FOXN3: variants seen among roughly 807,000 people sequenced by gnomAD.
FOXN3 encodes forkhead box N3.
In FOXN3, 7 loss-of-function variants were observed where a neutral mutation model predicts 38.4. That is an observed-to-expected ratio of 0.18 (90% CI 0.10 to 0.34). The LOEUF is 0.34. Among genes scored for constraint, FOXN3 ranks in the 10% least tolerant of loss-of-function variants. The pLI is 1.00. For synonymous variants in FOXN3, 230 were observed against 242.2 expected, an observed-to-expected ratio of 0.95 and a Z score of 0.47; for missense variants, 456 against 613.4, an observed-to-expected ratio of 0.74 and a Z score of 2.71.
intron 3 of FOXN3, among the ~76,000 whole-genome samples, chr14:89,298,850 C>A (rs969801052): frequency 6.6e-6 from 1 of 152,218 alleles, no homozygotes; most frequent in Non-Finnish European, 1.5e-5. Flanking sequence ...TTGGTTACTA[C>A]ACCAAGAATA....
At chr14:89,236,647 A>G (rs1180251680) in intron 4 of FOXN3, among the ~76,000 whole-genome samples, 1 of 152,210 alleles carries the variant, frequency 6.6e-6, no homozygotes, top group Non-Finnish European at 1.5e-5. Flanking sequence ...GTTTCTGCTC[A>G]TTTGTTCCCA....
At chr14:89,216,746 T>C (rs759123179) in intron 4 of FOXN3, among the ~76,000 whole-genome samples, 1 of 152,166 alleles carries the variant, frequency 6.6e-6, no homozygotes, top group Admixed American at 6.5e-5. Flanking sequence ...ATGCCACCCA[T>C]CTAGAATCAC....
intron 1 of FOXN3, among the ~76,000 whole-genome samples, chr14:89,542,460 G>A (rs435319): frequency 0.78 from 119,018 of 152,180 alleles, 46,804 homozygotes; most frequent in Middle Eastern, 0.84. Context: ...TGGTTCGAAC[G>A]CCTCTGACAG....
chr14:89,561,143 C>T (rs557774256), intron 1 of FOXN3, among the ~76,000 whole-genome samples: 4 of 152,322 alleles, frequency 2.6e-5, no homozygotes, highest in Non-Finnish European at 4.4e-5. Flanking sequence ...GGGTGGCCTC[C>T]GTGATAAAAG....
chr14:89,254,764 T>A (rs530566791), intron 4 of FOXN3, among the ~76,000 whole-genome samples: 3 of 151,984 alleles, frequency 2.0e-5, no homozygotes, highest in African/African-American at 7.2e-5. Flanking sequence ...GTCTCCTCCA[T>A]GAGGCCTTCC....
chr14:89,171,307 C>A (rs1256147630), intron 5 of FOXN3, among the ~76,000 whole-genome samples: 1 of 152,154 alleles, frequency 6.6e-6, no homozygotes, highest in Non-Finnish European at 1.5e-5. Context: ...AATCATCCCA[C>A]AAGGAAAACA....
intron 1 of FOXN3, among the ~76,000 whole-genome samples, chr14:89,513,632 T>A (rs909160654): frequency 3.2e-4 from 49 of 152,160 alleles, no homozygotes; most frequent in African/African-American, 1.2e-3. Context: ...TTCACTCTTG[T>A]TGCCCAGGCT....
At chr14:89,325,164 A>T (rs1888013572) in intron 3 of FOXN3, among the ~76,000 whole-genome samples, 1 of 151,950 alleles carries the variant, frequency 6.6e-6, no homozygotes, top group South Asian at 2.1e-4. Context: ...AGTTCTGCTG[A>T]GCTATGCTAT....
chr14:89,377,682 A>G (rs577704392), intron 2 of FOXN3, among the ~76,000 whole-genome samples: 27 of 152,380 alleles, frequency 1.8e-4, no homozygotes, highest in African/African-American at 6.0e-4. Context: ...GACCATCTGT[A>G]AAACCTTATT....
chr14:89,285,524 A>G (rs201117783), intron 3 of FOXN3, among the ~76,000 whole-genome samples: 1 of 31,430 alleles, frequency 3.2e-5, no homozygotes, highest in Admixed American at 3.1e-4. Flanking sequence ...GTCTCAAAAC[A>G]AAAAAAAAAA....
intron 1 of FOXN3, among the ~76,000 whole-genome samples, chr14:89,582,377 C>T (rs1037795042): frequency 1.3e-5 from 2 of 151,914 alleles, no homozygotes; most frequent in African/African-American, 4.8e-5. Context: ...ATAATCAGCA[C>T]GCAATAAATA....
At position 89,266,792 on chromosome 14, in the gene FOXN3, C is replaced by T. The variant is rs539462450; in HGVS notation, c.745+14158G>A. ...CTGTTGCTGCCTCTCTTAAATCTAC[C>T]CTCCTGACCGGCTCAATATGGTCAA... On this transcript the variant is annotated intron_variant, in intron 4 of 5. Transcript: ENST00000557258. Among the ~76,000 whole-genome samples, 7 of 152,222 alleles carry T rather than the reference C, an allele frequency of 4.6e-5. 1 individual carries two copies. The South Asian group carries it at 1.5e-3, about 32-fold the overall frequency.
intron 5 of FOXN3, among the ~76,000 whole-genome samples, chr14:89,167,415 T>C (rs1296924021): frequency 6.6e-6 from 1 of 152,256 alleles, no homozygotes; most frequent in African/African-American, 2.4e-5. Flanking sequence ...ATGGCTCTAA[T>C]TCTAAAGGAT....
chr14:89,370,167 G>GC (rs1890274406), intron 2 of FOXN3, among the ~76,000 whole-genome samples: 2 of 152,242 alleles, frequency 1.3e-5, no homozygotes, highest in South Asian at 4.1e-4. Context: ...TGTGCTGCTG[G>GC]CATGTGACCA....
chr14:89,549,349 AAT>A (rs1894953100), intron 1 of FOXN3, among the ~76,000 whole-genome samples: 3 of 152,152 alleles, frequency 2.0e-5, no homozygotes, highest in Admixed American at 2.0e-4. Flanking sequence ...GTTAAAAGCT[AAT>A]TCAGGCAACA....
chr14:89,373,634 G>T (rs1327703734), intron 2 of FOXN3, among the ~76,000 whole-genome samples: 1 of 152,108 alleles, frequency 6.6e-6, no homozygotes, highest in Non-Finnish European at 1.5e-5. Flanking sequence ...TGAAGTTAGG[G>T]GCTGTCTCTG....
Position 89,214,025 on chromosome 14 carries a change from CA to C in FOXN3, c.746-33220del, listed in dbSNP as rs547531101. Among the ~76,000 whole-genome samples the C allele has an allele frequency of 3.8e-3, 580 of 151,938 alleles. 3 individuals are homozygous for C. Among genetic ancestry groups the C allele is most frequent in the African/African-American group, 0.013 (528 of 41,466 alleles). Reference sequence around the variant, plus strand: ...TAAGTCTCTTGGGGCAATATGCAAACAAAAAAAAGTGGCAAAATGTTCTGGA... The same window carrying C: ...TAAGTCTCTTGGGGCAATATGCAAACAAAAAAAGTGGCAAAATGTTCTGGA... On this transcript the variant is annotated intron_variant, in intron 4 of 5. Transcript: ENST00000557258.
At chr14:89,363,688 A>C (rs564315291) in intron 2 of FOXN3, among the ~76,000 whole-genome samples, 1 of 152,320 alleles carries the variant, frequency 6.6e-6, no homozygotes, top group Non-Finnish European at 1.5e-5. Context: ...CTCTCTGTCA[A>C]GGGACGTCAC....
intron 2 of FOXN3, among the ~76,000 whole-genome samples, chr14:89,352,830 T>C (rs1328037133): frequency 6.6e-6 from 1 of 152,138 alleles, no homozygotes; most frequent in Non-Finnish European, 1.5e-5. Context: ...TTTCTCCTAA[T>C]CCTAACCTAA....
Sources: allele counts gnomAD v4.1 joint callset (sites outside exome capture counted in the v4.1 genomes callset), GRCh38; gene constraint gnomAD v4.1.1; transcripts MANE v1.5; gene names NCBI Gene and HGNC (gene_info 2026-07-23, HGNC 2026-07-21).